Variants in MIB1 observed in about 807,000 individuals in gnomAD.
The protein encoded by MIB1 is MIB E3 ubiquitin protein ligase 1.
Under a neutral mutation model 124.5 loss-of-function variants are expected in MIB1, and 278 were observed. The ratio of observed to expected loss-of-function variants is 2.23; its 90% confidence interval spans 2.02 to 2.47. The LOEUF is 2.47. MIB1 is among the 30% of genes most tolerant of loss of function. The pLI is 0.00. For missense variants in MIB1, 957 were observed against 1,254.4 expected (o/e 0.76, Z 3.58); for synonymous variants, 446 against 429.4 (o/e 1.04, Z -0.48).
At chr18:21,836,980 G>A (rs1433256738) in intron 12 of MIB1, among the ~76,000 whole-genome samples, 1 of 152,124 alleles carries the variant, frequency 6.6e-6, no homozygotes, top group East Asian at 1.9e-4. Flanking sequence ...GAAAACAAAA[G>A]CAGAAAACCT....
intron 1 of MIB1, among the ~76,000 whole-genome samples, chr18:21,717,491 A>G (rs2146355966): frequency 6.6e-6 from 1 of 152,350 alleles, no homozygotes; most frequent in South Asian, 2.1e-4. Context: ...TTAACAATCT[A>G]TACATCTGAC....
upstream of MIB1, among the ~76,000 whole-genome samples, chr18:21,735,818 C>A (rs542040637): frequency 6.6e-6 from 1 of 152,360 alleles, no homozygotes; most frequent in East Asian, 1.9e-4. Flanking sequence ...GCCAGACTGC[C>A]TCTCTAGATT....
intron 3 of MIB1, 65 bp from the exon 4 acceptor site, chr18:21,773,559 A>G: frequency 1.6e-5 from 16 of 1,003,718 alleles, no homozygotes; most frequent in Non-Finnish European, 2.3e-5. Context: ...AAATGTAATA[A>G]TTAAAAGAAC....
At chr18:21,847,393 T>G (rs1399874536) in intron 16 of MIB1, among the ~76,000 whole-genome samples, 1 of 152,224 alleles carries the variant, frequency 6.6e-6, no homozygotes, top group East Asian at 1.9e-4. Flanking sequence ...TAGTCTGATC[T>G]TCTAGTACTC....
At chr18:21,753,781 A>G (rs1337054703) in intron 1 of MIB1, among the ~76,000 whole-genome samples, 1 of 151,934 alleles carries the variant, frequency 6.6e-6, no homozygotes, top group Non-Finnish European at 1.5e-5. Context: ...GGTTCAAGCA[A>G]TTCTCCTGCC....
chr18:21,779,429 T>A, intron 5 of MIB1, 52 bp from the exon 6 acceptor site: 1 of 1,403,266 alleles, frequency 7.1e-7, no homozygotes, highest in Non-Finnish European at 1.0e-6. Context: ...TGCAGCTGCC[T>A]GTTGTTGTGA....
At chr18:21,730,947 C>T (rs747566794) in intron 1 of MIB1, among the ~76,000 whole-genome samples, 2 of 152,138 alleles carry the variant, frequency 1.3e-5, no homozygotes, top group East Asian at 3.9e-4. Flanking sequence ...ATGCTTTCCC[C>T]CTCTTTTGCC....
Position 21,801,018 on chromosome 18 carries a change from A to C in MIB1, c.1371+1044A>C, listed in dbSNP as rs575478086. On this transcript the variant is annotated intron_variant, in intron 9 of 20. Transcript: ENST00000261537. ...ATTATTTTAAAATTATTTTTTAAGA[A>C]CATTATAGTACTAAAAATTTAAAGG... Among the ~76,000 whole-genome samples the C allele has an allele frequency of 5.3e-5, 8 of 152,242 alleles. No homozygotes were observed. In the South Asian group the frequency reaches 1.7e-3, roughly 31 times the overall value.
chr18:21,711,136 G>A (rs2040663903), intron 1 of MIB1, among the ~76,000 whole-genome samples: 1 of 151,916 alleles, frequency 6.6e-6, no homozygotes, highest in South Asian at 2.1e-4. Flanking sequence ...CTAATTGGCT[G>A]ATTTTATACA....
chr18:21,752,615 A>C (rs1176719943), intron 1 of MIB1, among the ~76,000 whole-genome samples: 1 of 152,254 alleles, frequency 6.6e-6, no homozygotes, highest in Non-Finnish European at 1.5e-5. Context: ...ACAAAAATTA[A>C]AAGTCTAATT....
intron 11 of MIB1, chr18:21,817,534 C>T (rs1333452580): frequency 4.8e-6 from 1 of 207,846 alleles, no homozygotes. Context: ...ATCTAACTCT[C>T]ATTGCAGAAT....
At chr18:21,766,985 T>C (rs563251837) in intron 2 of MIB1, among the ~76,000 whole-genome samples, 2 of 152,248 alleles carry the variant, frequency 1.3e-5, no homozygotes, top group East Asian at 1.9e-4. Flanking sequence ...TGTAGAACAA[T>C]AGGGATACAT....
chr18:21,816,898 G>GT (rs1401629738), intron 11 of MIB1, among the ~76,000 whole-genome samples: 1 of 151,976 alleles, frequency 6.6e-6, no homozygotes, highest in Non-Finnish European at 1.5e-5. Flanking sequence ...AATTGGGGGG[G>GT]TGTTAATCTG....
intron 13 of MIB1, among the ~76,000 whole-genome samples, chr18:21,840,795 C>G: frequency 6.6e-6 from 1 of 150,994 alleles, no homozygotes. Flanking sequence ...GGCGCCACTG[C>G]ACTCCAGCCT....
intron 6 of MIB1, among the ~76,000 whole-genome samples, chr18:21,783,130 C>G (rs987588104): frequency 6.6e-6 from 1 of 151,782 alleles, no homozygotes; most frequent in Admixed American, 6.6e-5. Flanking sequence ...TATCTTTTTC[C>G]ATCCCTTCAC....
intron 1 of MIB1, among the ~76,000 whole-genome samples, chr18:21,731,385 C>A (rs1184970475): frequency 1.3e-5 from 2 of 152,176 alleles, no homozygotes; most frequent in Admixed American, 6.6e-5. Context: ...CTGCAAGATG[C>A]TGATCTATTC....
At chr18:21,827,090 A>C (rs1310870807) in intron 12 of MIB1, 1 of 152,052 alleles carries the variant, frequency 6.6e-6, no homozygotes, top group Non-Finnish European at 1.5e-5. Flanking sequence ...GGGCAAGGAG[A>C]GGCCATGGGA....
At chr18:21,729,425 G>A (rs1235569884) in intron 1 of MIB1, among the ~76,000 whole-genome samples, 1 of 152,140 alleles carries the variant, frequency 6.6e-6, no homozygotes, top group Non-Finnish European at 1.5e-5. Context: ...CTCATAGATG[G>A]CACCTTTTTG....
intron 12 of MIB1, chr18:21,828,185 T>C (rs1307755051): frequency 6.6e-6 from 1 of 151,970 alleles, no homozygotes; most frequent in African/African-American, 2.4e-5. Context: ...TTCTTGACTA[T>C]AGTGCTTTCA....
Sources: allele counts gnomAD v4.1 joint callset (sites outside exome capture counted in the v4.1 genomes callset), GRCh38; gene constraint gnomAD v4.1.1; transcripts MANE v1.5; gene names NCBI Gene and HGNC (gene_info 2026-07-23, HGNC 2026-07-21).